Variants in STAG2 observed in about 807,000 individuals in gnomAD.
STAG2 encodes STAG2 cohesin complex component.
In STAG2, 14 loss-of-function variants were observed where a neutral mutation model predicts 108.1. The observed-to-expected ratio is 0.13, with a 90% CI of 0.09 to 0.20. The LOEUF (loss-of-function observed/expected upper bound fraction) is 0.20, where lower values mean the gene tolerates loss of function less well. Ranked by LOEUF, STAG2 falls within the 10% of genes least tolerant of loss-of-function variation. The pLI, the probability that STAG2 is intolerant of heterozygous loss-of-function variation, is 1.00. For missense variants in STAG2, 440 were observed against 940.9 expected (o/e 0.47, Z 6.96); for synonymous variants, 307 against 302.7 (o/e 1.01, Z -0.15).
chrX:124,007,912 T>C (rs763270664), intron 1 of STAG2, among the ~76,000 whole-genome samples: 49 of 111,934 alleles, frequency 4.4e-4, no homozygotes, highest in African/African-American at 1.5e-3. Context: ...CATGAGATAG[T>C]AGGTTCACTA....
chrX:124,022,723 T>TG, intron 3 of STAG2, 52 bp downstream of exon 3: 3 of 860,689 alleles, frequency 3.5e-6, no homozygotes, highest in East Asian at 6.8e-5. Flanking sequence ...TTCCACAAAA[T>TG]GGGGAATGCA....
intron 1 of STAG2, among the ~76,000 whole-genome samples, chrX:123,976,249 G>T (rs898374901): frequency 8.9e-6 from 1 of 111,764 alleles, no homozygotes; most frequent in African/African-American, 3.3e-5. Context: ...ACTCCAACCT[G>T]GGTGACAGTA....
In STAG2 at chrX:124,094,642, A is replaced by G. The variant is rs191552381; in HGVS notation, c.3705+498A>G. On this transcript the variant is annotated intron_variant, in intron 33 of 34. Transcript: ENST00000371145. ...AATATGTGGTTAGGGTTGATCATATACAAAATGGTTTTACATATTTCATCT... is the reference window on the plus strand; with the variant it reads ...AATATGTGGTTAGGGTTGATCATATGCAAAATGGTTTTACATATTTCATCT... Among the ~76,000 whole-genome samples the G allele has an allele frequency of 8.1e-5, 9 of 111,479 alleles. No individual in the cohort carries two copies. The East Asian group carries it at 2.5e-3, about 31-fold the overall frequency.
intron 27 of STAG2, among the ~76,000 whole-genome samples, chrX:124,080,157 A>G (rs1416234431): frequency 9.0e-6 from 1 of 111,387 alleles, no homozygotes; most frequent in African/African-American, 3.3e-5. Flanking sequence ...CAGTTTTTAG[A>G]TAAACAGTAC....
intron 10 of STAG2, 36 bp from the exon 11 acceptor site, chrX:124,050,150 C>T: frequency 2.5e-6 from 3 of 1,195,550 alleles, no homozygotes; most frequent in Non-Finnish European, 3.4e-6. Flanking sequence ...GGTATATTGG[C>T]ACTAATTATG....
intron 1 of STAG2, among the ~76,000 whole-genome samples, chrX:123,992,295 A>G: frequency 1.8e-5 from 2 of 111,844 alleles, no homozygotes; most frequent in Middle Eastern, 9.2e-3. Flanking sequence ...AATTTTATTT[A>G]TTATTAACTC....
chrX:124,093,832 A>G (rs1254328934), intron 32 of STAG2, 186 bp from the exon 33 acceptor site: 2 of 439,911 alleles, frequency 4.5e-6, no homozygotes, highest in African/African-American at 2.5e-5. Context: ...ACTCCTTAGC[A>G]TTTTTAGACA....
At chrX:124,077,571 A>G (rs780342186) in intron 26 of STAG2, among the ~76,000 whole-genome samples, 4 of 112,014 alleles carry the variant, frequency 3.6e-5, no homozygotes, top group South Asian at 3.6e-4. Flanking sequence ...CCCGGTATCA[A>G]TGAATTAGTT....
chrX:124,048,014 G>C (rs1189203181), intron 9 of STAG2, among the ~76,000 whole-genome samples: 1 of 112,131 alleles, frequency 8.9e-6, no homozygotes, highest in Non-Finnish European at 1.9e-5. Flanking sequence ...AAAATCTTTT[G>C]ATGCTGCGGC....
At chrX:124,027,929 A>G (rs892443917) in intron 4 of STAG2, among the ~76,000 whole-genome samples, 3 of 110,400 alleles carry the variant, frequency 2.7e-5, no homozygotes, top group Non-Finnish European at 5.7e-5. Flanking sequence ...CACTCCTTGC[A>G]CATTTTTTTT....
rs761524365 is a variant in STAG2, at chrX:124,086,067, C to T, written c.3054-480C>T. On this transcript the variant is annotated intron_variant, in intron 29 of 34. Transcript: ENST00000371145. ...CATTTTTATTACTGTGGGATTACTT[C>T]TTAATTTCAATTATCCTTTCTTTCG... 6.0e-4 allele frequency among the ~76,000 whole-genome samples: 66 copies of T among 110,765 alleles called. 1 individual carries two copies. The highest frequency in any genetic ancestry group is 2.0e-3 in the African/African-American group (60 of 30,460).
At chrX:124,032,771 C>CT (rs2057387938) in intron 5 of STAG2, among the ~76,000 whole-genome samples, 1 of 112,145 alleles carries the variant, frequency 8.9e-6, no homozygotes, top group African/African-American at 3.2e-5. Context: ...CAATTGCATT[C>CT]TTTTTTATGA....
intron 1 of STAG2, among the ~76,000 whole-genome samples, chrX:123,991,240 A>G (rs1281510886): frequency 8.9e-6 from 1 of 112,570 alleles, no homozygotes; most frequent in Non-Finnish European, 1.9e-5. Flanking sequence ...TCAGCCCTTC[A>G]TATCCATGGT....
intron 19 of STAG2, among the ~76,000 whole-genome samples, chrX:124,063,406 C>T (rs970398283): frequency 1.8e-5 from 2 of 111,126 alleles, no homozygotes; most frequent in Non-Finnish European, 3.8e-5. Flanking sequence ...CACAACTGTA[C>T]CTTCATTCTT....
chrX:124,080,266 T>G (rs1327989946), intron 27 of STAG2, among the ~76,000 whole-genome samples: 1 of 111,283 alleles, frequency 9.0e-6, no homozygotes, highest in African/African-American at 3.3e-5. Context: ...GACCAAAGTC[T>G]CAGCCTCCCC....
At chrX:124,028,985 TTATATATATA>T (rs376061447) in intron 4 of STAG2, among the ~76,000 whole-genome samples, 2 of 64,025 alleles carry the variant, frequency 3.1e-5, no homozygotes, top group African/African-American at 1.4e-4. Context: ...TTATTTTTAT[TTATATATATA>T]TATATATATA....
chrX:124,068,581 A>G lies in STAG2; in HGVS notation c.2283A>G (p.Leu761=). The G allele has an allele frequency of 2.5e-6, 3 of 1,192,101 alleles. No homozygotes were observed. The highest frequency in any genetic ancestry group is 2.3e-6 in the Non-Finnish European group (2 of 888,723). ...SSSTKEDLLR[L]KKQMRVFCQI... ...TTTTCAAGGAGGACTTGCTGCGTTT[A>G]AAGAAACAAATGAGAGTATTTTGTC... Residue 761 remains leucine (L), a synonymous_variant, in exon 24 of 35, where the codon TTA becomes TTG. Transcript: ENST00000371145.
At position 124,045,396 on chromosome X, in the gene STAG2, A is replaced by G. The variant is rs192642864; in HGVS notation, c.667+28A>G. ...CGGTATTTAGAAATATTTTCTGCATATTGTCTTAGATTTGAGATGAAAAAG... is the reference window on the plus strand; with the variant it reads ...CGGTATTTAGAAATATTTTCTGCATGTTGTCTTAGATTTGAGATGAAAAAG... On this transcript the variant is annotated intron_variant, in intron 8 of 34. Coordinates refer to ENST00000371145, the MANE Select transcript of STAG2 (RefSeq NM_001042750.2). 1.2e-3 allele frequency: 1,272 copies of G among 1,088,686 alleles called. 2 individuals are homozygous for G. Among genetic ancestry groups the G allele is most frequent in the Non-Finnish European group, 1.4e-3 (1,111 of 800,580 alleles). 89.7% of individuals were successfully genotyped at this position (1,088,686 alleles called of 1,213,427 possible).
chrX:123,998,841 C>T (rs913102620), intron 1 of STAG2, among the ~76,000 whole-genome samples: 7 of 111,385 alleles, frequency 6.3e-5, no homozygotes, highest in African/African-American at 9.8e-5. Flanking sequence ...AAAACCAGGC[C>T]GGACATAGTG....
Sources: gnomAD v4.1 joint callset for allele counts (sites outside exome capture counted in the v4.1 genomes callset) on GRCh38, gnomAD v4.1.1 for gene constraint, MANE v1.5 for transcripts, NCBI Gene and HGNC (gene_info 2026-07-23, HGNC 2026-07-21) for gene names.